SCFD2: variants seen among roughly 807,000 people sequenced by gnomAD.
The protein encoded by SCFD2 is sec1 family domain containing 2.
Under a neutral mutation model 58.9 loss-of-function variants are expected in SCFD2, and 54 were observed. The ratio of observed to expected loss-of-function variants is 0.92; its 90% CI spans 0.74 to 1.15. SCFD2 has a LOEUF of 1.15. Ranked by LOEUF, SCFD2 falls within the 50% of genes most tolerant of loss-of-function variation. The pLI is 0.00. For missense variants in SCFD2, 805 were observed against 836.6 expected, an observed-to-expected ratio of 0.96 and a Z score of 0.47; for synonymous variants, 321 against 335.9, an observed-to-expected ratio of 0.96 and a Z score of 0.49.
In SCFD2 at chr4:53,009,993, C is replaced by CT. The variant is rs1722061295; in HGVS notation, c.1562-89124dup. On this transcript the variant is annotated intron_variant, in intron 5 of 8. Transcript: ENST00000401642. Reference sequence around the variant, plus strand: ...ATACTTTCTCGGGCTGCACTGAGAGCTTGGAGCACATCACCTTCTAAGTCA... The same window carrying CT: ...ATACTTTCTCGGGCTGCACTGAGAGCTTTGGAGCACATCACCTTCTAAGTCA... 2.6e-5 allele frequency among the ~76,000 whole-genome samples: 4 copies of CT among 152,282 alleles called. No homozygotes were observed. The South Asian group carries it at 8.3e-4, about 32-fold the overall frequency.
chr4:53,330,860 G>A (rs1414513555), intron 2 of SCFD2, among the ~76,000 whole-genome samples: 2 of 152,002 alleles, frequency 1.3e-5, no homozygotes, highest in Non-Finnish European at 2.9e-5. Flanking sequence ...CATCTCACGT[G>A]CAGAGACACA....
intron 5 of SCFD2, among the ~76,000 whole-genome samples, chr4:53,054,067 T>C (rs1184712441): frequency 6.6e-6 from 1 of 152,168 alleles, no homozygotes; most frequent in Non-Finnish European, 1.5e-5. Flanking sequence ...TATCCATTCA[T>C]CAGTGTCTCT....
intron 2 of SCFD2, among the ~76,000 whole-genome samples, chr4:53,315,881 G>A (rs1473932463): frequency 6.6e-6 from 1 of 152,092 alleles, no homozygotes; most frequent in African/African-American, 2.4e-5. Flanking sequence ...CGTTGTGGTT[G>A]CCCCATCAGA....
intron 5 of SCFD2, among the ~76,000 whole-genome samples, chr4:52,958,871 G>A (rs1239557186): frequency 6.6e-6 from 1 of 152,102 alleles, no homozygotes; most frequent in East Asian, 1.9e-4. Context: ...ACAATAAGCT[G>A]ATAATCACTG....
intron 5 of SCFD2, among the ~76,000 whole-genome samples, chr4:52,988,056 T>C (rs1721538003): frequency 6.6e-6 from 1 of 152,178 alleles, no homozygotes; most frequent in African/African-American, 2.4e-5. Flanking sequence ...AGTGCTTCCC[T>C]AAACTCTAAC....
intron 5 of SCFD2, among the ~76,000 whole-genome samples, chr4:53,050,459 A>T (rs534391157): frequency 1.3e-5 from 2 of 152,346 alleles, no homozygotes; most frequent in Non-Finnish European, 2.9e-5. Flanking sequence ...ATTGGATTAG[A>T]TTATTCTAGT....
chr4:53,110,375 A>G (rs893285363), intron 5 of SCFD2, among the ~76,000 whole-genome samples: 1 of 152,226 alleles, frequency 6.6e-6, no homozygotes, highest in Non-Finnish European at 1.5e-5. Flanking sequence ...TGGGAACAAA[A>G]GCCAAAATTG....
At chr4:53,309,434 T>G (rs1265706105) in intron 3 of SCFD2, among the ~76,000 whole-genome samples, 7 of 152,308 alleles carry the variant, frequency 4.6e-5, no homozygotes. Flanking sequence ...GTGGATCAGA[T>G]TATCATCTAG....
intron 4 of SCFD2, among the ~76,000 whole-genome samples, chr4:53,269,819 G>A (rs1311268962): frequency 6.6e-6 from 1 of 152,216 alleles, no homozygotes; most frequent in Non-Finnish European, 1.5e-5. Context: ...GAGATCAGAA[G>A]TTCGAGACCA....
intron 2 of SCFD2, among the ~76,000 whole-genome samples, chr4:53,345,440 T>G (rs1053256746): frequency 6.6e-6 from 1 of 151,996 alleles, no homozygotes; most frequent in Non-Finnish European, 1.5e-5. Context: ...TAAAAAATCA[T>G]CAAACAATAG....
At chr4:53,211,903 C>T (rs1728624823) in intron 4 of SCFD2, among the ~76,000 whole-genome samples, 2 of 151,998 alleles carry the variant, frequency 1.3e-5, no homozygotes. Context: ...TAAAGGGGTC[C>T]TATGACCAAA....
intron 4 of SCFD2, among the ~76,000 whole-genome samples, chr4:53,234,591 T>A (rs1729538744): frequency 1.3e-5 from 2 of 152,232 alleles, no homozygotes; most frequent in African/African-American, 4.8e-5. Flanking sequence ...CTGGGACTTT[T>A]TTGATACATT....
chr4:53,044,023 G>A (rs1399022349), intron 5 of SCFD2, among the ~76,000 whole-genome samples: 1 of 152,132 alleles, frequency 6.6e-6, no homozygotes, highest in Non-Finnish European at 1.5e-5. Flanking sequence ...GAGCTGCAAG[G>A]AGTGCAATTA....
At chr4:53,237,753 G>A (rs375145591) in intron 4 of SCFD2, among the ~76,000 whole-genome samples, 4,183 of 91,266 alleles carry the variant, frequency 0.046, 68 homozygotes, top group East Asian at 0.1. Context: ...CGGACGGGGC[G>A]GCTGGCCGGG....
At chr4:53,346,075 T>A (rs918370570) in intron 2 of SCFD2, among the ~76,000 whole-genome samples, 21 of 152,086 alleles carry the variant, frequency 1.4e-4, no homozygotes, top group African/African-American at 5.1e-4. Context: ...GTTGTGCACG[T>A]GTACCCTAGA....
chr4:53,228,509 C>T (rs184718469), intron 4 of SCFD2, among the ~76,000 whole-genome samples: 345 of 152,142 alleles, frequency 2.3e-3, no homozygotes, highest in Non-Finnish European at 3.8e-3. Flanking sequence ...TAGATACAAA[C>T]GTTAAGATAT....
chr4:53,152,276 T>C (rs1726533169), intron 4 of SCFD2, among the ~76,000 whole-genome samples: 5 of 151,956 alleles, frequency 3.3e-5, no homozygotes, highest in Admixed American at 2.6e-4. Flanking sequence ...CACATATACA[T>C]GTACTCAGCA....
At chr4:53,060,347 C>T (rs13120634) in intron 5 of SCFD2, among the ~76,000 whole-genome samples, 29,193 of 151,962 alleles carry the variant, frequency 0.19, 3,384 homozygotes, top group Non-Finnish European at 0.26. Flanking sequence ...GATCCATGAA[C>T]GACCTCCAAA....
chr4:53,268,361 T>C (rs1456627684), intron 4 of SCFD2, among the ~76,000 whole-genome samples: 3 of 151,488 alleles, frequency 2.0e-5, no homozygotes, highest in Non-Finnish European at 4.4e-5. Flanking sequence ...CCAAGTGGGG[T>C]GAAGAGGACA....
Sources: allele counts gnomAD v4.1 joint callset (sites outside exome capture counted in the v4.1 genomes callset), GRCh38; gene constraint gnomAD v4.1.1; transcripts MANE v1.5; gene names NCBI Gene and HGNC (gene_info 2026-07-23, HGNC 2026-07-21).